TMPRSS3: variants seen among roughly 807,000 people sequenced by gnomAD.
TMPRSS3 encodes the protein transmembrane serine protease 3.
In TMPRSS3, 55 loss-of-function variants were observed where a neutral mutation model predicts 59.6. The ratio of observed to expected loss-of-function variants is 0.92; its 90% CI spans 0.74 to 1.16. The LOEUF is 1.16. TMPRSS3 is among the 50% of genes most tolerant of loss of function. TMPRSS3 has a pLI of 0.00. For synonymous variants in TMPRSS3, 257 were observed against 237.7 expected, an observed-to-expected ratio of 1.08 and a Z score of -0.75; for missense variants, 596 against 579.4, an observed-to-expected ratio of 1.03 and a Z score of -0.29.
At chr21:42,374,991 G>GGAGTGGGGT (rs3082130) in intron 12 of TMPRSS3, among the ~76,000 whole-genome samples, 53,756 of 151,492 alleles carry the variant, frequency 0.35, 10,738 homozygotes, top group African/African-American at 0.55. Context: ...ACCATCCCAA[G>GGAGTGGGGT]GAGAGACTTC....
At chr21:42,378,079 C>T (rs2052460684) in intron 10 of TMPRSS3, among the ~76,000 whole-genome samples, 1 of 152,222 alleles carries the variant, frequency 6.6e-6, no homozygotes, top group South Asian at 2.1e-4. Context: ...GCTCCCACCA[C>T]ACACCAGGGG....
At chr21:42,373,985 G>C (rs565670067) in intron 12 of TMPRSS3, among the ~76,000 whole-genome samples, 2 of 152,288 alleles carry the variant, frequency 1.3e-5, no homozygotes, top group South Asian at 4.1e-4. Flanking sequence ...TCAGCCCCTG[G>C]GGATCTGTGT....
chr21:42,376,724 C>T (rs1257198412), intron 10 of TMPRSS3, 41 bp from the exon 11 acceptor site: 1 of 1,613,228 alleles, frequency 6.2e-7, no homozygotes, highest in Non-Finnish European at 8.5e-7. Context: ...GAGAAGGAAG[C>T]CCGGCCCAAA....
rs747020355 is a variant in TMPRSS3 at position 42,380,215 on chromosome 21, G to A, written c.953-3C>T. ...CAGGCACACAGGCTGGATCATTTCTGCTTGAAGGGAAACAATAGTTCACAA... is the reference window on the plus strand; with the variant it reads ...CAGGCACACAGGCTGGATCATTTCTACTTGAAGGGAAACAATAGTTCACAA... On this transcript the variant is annotated splice_region_variant and splice_polypyrimidine_tract_variant and intron_variant, in intron 9 of 12. Coordinates refer to ENST00000644384, the MANE Select transcript of TMPRSS3 (RefSeq NM_001256317.3). 1.3e-5 allele frequency: 21 copies of A among 1,611,668 alleles called. No homozygotes were observed. In the East Asian group the frequency reaches 4.2e-4, roughly 33 times the overall value.
chr21:42,388,927 A>G lies in TMPRSS3; in HGVS notation c.322+2T>C. The G allele has an allele frequency of 6.2e-7, 1 of 1,612,970 alleles. No individual in the cohort carries two copies. The highest frequency in any genetic ancestry group is 8.5e-7 in the Non-Finnish European group (1 of 1,179,106). On this transcript the variant is annotated splice_donor_variant, in intron 4 of 12. Coordinates refer to ENST00000644384, the MANE Select transcript of TMPRSS3 (RefSeq NM_001256317.3). LOFTEE classifies it high-confidence loss of function. This position sits in a 1 kb window ranked among gnomAD's most constrained non-coding sequence, Gnocchi z 5.1. ...TCCCCAGGGGAAGAGCCATGACCTTACCACAGCGGTACTCGTCCTCCCCGT... is the reference window on the plus strand; with the variant it reads ...TCCCCAGGGGAAGAGCCATGACCTTGCCACAGCGGTACTCGTCCTCCCCGT...
chr21:42,383,529 T>C (rs1368275055), intron 7 of TMPRSS3: 7 of 520,542 alleles, frequency 1.3e-5, no homozygotes, highest in Non-Finnish European at 2.5e-5. Flanking sequence ...GCAGGAACCT[T>C]CTGCAGCCCC....
intron 9 of TMPRSS3, among the ~76,000 whole-genome samples, chr21:42,380,713 G>A (rs1314538226): frequency 6.6e-6 from 1 of 152,248 alleles, no homozygotes; most frequent in African/African-American, 2.4e-5. Flanking sequence ...TATTGCTATG[G>A]TTCCTGGGAT....
chr21:42,379,997 C>T, intron 10 of TMPRSS3, 120 bp downstream of exon 10: 2 of 825,056 alleles, frequency 2.4e-6, no homozygotes, highest in African/African-American at 1.7e-5. Flanking sequence ...ACATGCACTC[C>T]CTGGCCGGGG....
chr21:42,376,774 C>T (rs2052437733), intron 10 of TMPRSS3, 91 bp from the exon 11 acceptor site: 6 of 1,577,862 alleles, frequency 3.8e-6, no homozygotes, highest in South Asian at 2.2e-5. Flanking sequence ...GGTGAGGGAA[C>T]GAGGGACGAG....
chr21:42,381,152 G>A (rs1428819439), intron 9 of TMPRSS3, among the ~76,000 whole-genome samples: 2 of 152,214 alleles, frequency 1.3e-5, no homozygotes, highest in African/African-American at 4.8e-5. Flanking sequence ...TCTTAAGAAG[G>A]AAAGAGGGCT....
chr21:42,376,685 T>C lies in TMPRSS3; in HGVS notation c.1049-2A>G. On this transcript the variant is annotated splice_acceptor_variant, in intron 10 of 12. Transcript: ENST00000644384. LOFTEE classifies it high-confidence loss of function. ...GGTTCAGGACAGGGGAGGCGTCACC[T>C]GCTTCAAAGTGAGTGAGGGGATGTG... 1 of 1,613,916 alleles carries C rather than the reference T, an allele frequency of 6.2e-7. No homozygotes were observed. The highest frequency in any genetic ancestry group is 8.5e-7 in the Non-Finnish European group (1 of 1,180,020).
intron 12 of TMPRSS3, 53 bp downstream of exon 12, chr21:42,375,663 C>G (rs2052411874): frequency 3.1e-6 from 5 of 1,612,478 alleles, no homozygotes; most frequent in Non-Finnish European, 4.2e-6. Flanking sequence ...ATTTAAGGGA[C>G]CTTAGGGTCA....
At position 42,388,715 on chromosome 21, in the gene TMPRSS3, T is replaced by C. The variant is rs774326513; in HGVS notation, c.323-189A>G. Among the ~76,000 whole-genome samples, 1 of 149,740 alleles carries C rather than the reference T, an allele frequency of 6.7e-6. No homozygotes were observed. The highest frequency in any genetic ancestry group is 1.5e-5 in the Non-Finnish European group (1 of 67,334). On this transcript the variant is annotated intron_variant, in intron 4 of 12. Coordinates refer to ENST00000644384, the MANE Select transcript of TMPRSS3 (RefSeq NM_001256317.3). The surrounding 1 kb of genome is among the most constrained non-coding windows in gnomAD (Gnocchi z 5.1). Reference sequence around the variant, plus strand: ...AGACTTCTCGCTGGTCTCATCTTATTGCTTATGTGGTCTCCCCAAGAGAGC... The same window carrying C: ...AGACTTCTCGCTGGTCTCATCTTATCGCTTATGTGGTCTCCCCAAGAGAGC...
chr21:42,373,479 A>G (rs1352691941), intron 12 of TMPRSS3, among the ~76,000 whole-genome samples: 1 of 152,214 alleles, frequency 6.6e-6, no homozygotes, highest in African/African-American at 2.4e-5. Flanking sequence ...AACAGGGGAA[A>G]CTGCCTCCAA....
chr21:42,375,072 C>T (rs1014760589), intron 12 of TMPRSS3, among the ~76,000 whole-genome samples: 7 of 152,256 alleles, frequency 4.6e-5, no homozygotes, highest in East Asian at 1.9e-4. Flanking sequence ...CCTGCCAGCA[C>T]GCAGCTGCCA....
In TMPRSS3 at chr21:42,383,615, G is replaced by A. The variant is rs755813810; in HGVS notation, c.616+355C>T. The A allele has an allele frequency of 4.9e-5, 26 of 526,458 alleles. No individual in the cohort carries two copies. The Middle Eastern group carries it at 1.6e-3, about 32-fold the overall frequency. 32.6% of individuals were successfully genotyped at this position (526,458 alleles called of 1,614,324 possible). On this transcript the variant is annotated intron_variant, in intron 7 of 12. Transcript: ENST00000644384. ...CCTTGTGGTGTGAACACTCCCCTCT[G>A]CCAGGAACGAGGGGCACTGCCCGAG...
chr21:42,378,185 T>C (rs1410752190), intron 10 of TMPRSS3, among the ~76,000 whole-genome samples: 3 of 152,230 alleles, frequency 2.0e-5, no homozygotes, highest in Non-Finnish European at 4.4e-5. Flanking sequence ...TACAGAGAGC[T>C]GTGAGTGCCC....
At chr21:42,374,532 G>C (rs1280288147) in intron 12 of TMPRSS3, among the ~76,000 whole-genome samples, 1 of 152,216 alleles carries the variant, frequency 6.6e-6, no homozygotes, top group Non-Finnish European at 1.5e-5. Flanking sequence ...AAAGGTCTTT[G>C]AGCCTTGGAG....
In TMPRSS3 at chr21:42,388,487, G is replaced by C. The variant is rs1265305650; in HGVS notation, c.362C>G (p.Thr121Arg). Residue 121 changes from threonine to arginine, a missense_variant, in exon 5 of 13, where the codon ACA becomes AGA. Physicochemically the swap from Thr to Arg is moderately conservative, Grantham distance 71. Coordinates refer to ENST00000644384, the MANE Select transcript of TMPRSS3 (RefSeq NM_001256317.3). This position sits in a 1 kb window ranked among gnomAD's most constrained non-coding sequence, Gnocchi z 5.1. ...GGQNAVLQVF[T>R]AASWKTMCSD... Reference sequence around the variant, plus strand: ...GCACATGGTCTTCCACGAAGCAGCTGTGAACACCTGGAGCACGGCATTCTG... The same window carrying C: ...GCACATGGTCTTCCACGAAGCAGCTCTGAACACCTGGAGCACGGCATTCTG... The C allele has an allele frequency of 6.2e-7, 1 of 1,614,106 alleles. No homozygotes were observed. Among genetic ancestry groups the C allele is most frequent in the Non-Finnish European group, 8.5e-7 (1 of 1,180,046 alleles).
Sources: allele counts gnomAD v4.1 joint callset (sites outside exome capture counted in the v4.1 genomes callset), GRCh38; gene constraint gnomAD v4.1.1; non-coding constraint Gnocchi (gnomAD v3.1); transcripts MANE v1.5; gene names NCBI Gene and HGNC (gene_info 2026-07-23, HGNC 2026-07-21).